RAB4A: variants seen among roughly 807,000 people sequenced by gnomAD.
RAB4A encodes RAB4A, member RAS oncogene family.
In RAB4A, 20 loss-of-function variants were observed where a neutral mutation model predicts 34.5. The observed-to-expected ratio is 0.58, with a 90% CI of 0.41 to 0.84. The LOEUF (loss-of-function observed/expected upper bound fraction) is 0.84. Among genes scored for constraint, RAB4A ranks in the 40% least tolerant of loss-of-function variants. The pLI is 0.00. For missense variants in RAB4A, 228 were observed against 274.5 expected (o/e 0.83, Z 1.20); for synonymous variants, 102 against 100.0 (o/e 1.02, Z -0.12).
At chr1:229,275,388 C>G (rs1322261463) in intron 1 of RAB4A, among the ~76,000 whole-genome samples, 11 of 152,110 alleles carry the variant, frequency 7.2e-5, no homozygotes, top group Non-Finnish European at 1.5e-5. Context: ...TCAGAGAGAC[C>G]TTGACCCTGT....
In RAB4A at chr1:229,299,076, A is replaced by C. The variant is rs1224581903; in HGVS notation, c.541+4A>C. The stretch of plus-strand genomic sequence containing the variant: ...ATACTTAACAAAATCGAATCAGGTA[A>C]AAGCCTTTCCATTAAGCAACTTTTC... On this transcript the variant is annotated splice_donor_region_variant and intron_variant, in intron 6 of 7. Transcript: ENST00000366690. The C allele has an allele frequency of 1.9e-6, 3 of 1,593,324 alleles. No individual in the cohort carries two copies. The East Asian group carries it at 6.7e-5, about 36-fold the overall frequency.
chr1:229,293,200 G>A (rs1377368242), intron 3 of RAB4A, among the ~76,000 whole-genome samples: 3 of 152,218 alleles, frequency 2.0e-5, no homozygotes, highest in Non-Finnish European at 4.4e-5. Flanking sequence ...GCACCTCCAT[G>A]CCACCACCAG....
Position 229,286,502 on chromosome 1 carries a change from C to T in RAB4A, c.48C>T (p.Phe16=), listed in dbSNP as rs1428147437. 2 of 1,571,722 alleles carry T rather than the reference C, an allele frequency of 1.3e-6. No homozygotes were observed. Among genetic ancestry groups the T allele is most frequent in the Non-Finnish European group, 1.7e-6 (2 of 1,159,428 alleles). ...MSETYDFLFK[F]LVIGNAGTGK... ...ATCTTTCAGATTTTTTGTTTAAGTT[C>T]TTGGTTATTGGAAATGCAGGAACTG... is the stretch of plus-strand genomic sequence containing the variant. The change falls in exon 2 of 8, where the codon TTC becomes TTT. Residue 16 remains phenylalanine (F), a synonymous_variant. Coordinates refer to ENST00000366690, the MANE Select transcript of RAB4A (RefSeq NM_004578.4).
chr1:229,282,099 C>A (rs1656793436), intron 1 of RAB4A, among the ~76,000 whole-genome samples: 2 of 151,962 alleles, frequency 1.3e-5, no homozygotes, highest in African/African-American at 4.8e-5. Context: ...ATTCCTATAG[C>A]TATTCTTTTG....
chr1:229,285,175 T>G (rs1403811935), intron 1 of RAB4A, among the ~76,000 whole-genome samples: 2 of 152,158 alleles, frequency 1.3e-5, no homozygotes, highest in East Asian at 3.9e-4. Context: ...CGGCTAAGTT[T>G]TTATTTTTAT....
chr1:229,273,808 A>C (rs1466241259), intron 1 of RAB4A, among the ~76,000 whole-genome samples: 1 of 152,192 alleles, frequency 6.6e-6, no homozygotes, highest in African/African-American at 2.4e-5. Flanking sequence ...AGTAAAAGTC[A>C]CCTAGAACCA....
intron 1 of RAB4A, among the ~76,000 whole-genome samples, chr1:229,275,950 G>C (rs1196860105): frequency 1.3e-5 from 2 of 150,996 alleles, no homozygotes; most frequent in Non-Finnish European, 2.9e-5. Flanking sequence ...AAAGTCACCT[G>C]GTTCCAATAA....
intron 1 of RAB4A, among the ~76,000 whole-genome samples, chr1:229,283,548 CT>C (rs966429809): frequency 3.9e-5 from 6 of 152,044 alleles, no homozygotes; most frequent in African/African-American, 1.2e-4. Flanking sequence ...TTTGCTAGGA[CT>C]TTTTTTGTCT....
intron 6 of RAB4A, 87 bp from the exon 7 acceptor site, chr1:229,302,775 G>C: frequency 2.2e-6 from 2 of 915,214 alleles, no homozygotes; most frequent in Non-Finnish European, 1.7e-6. Flanking sequence ...ACAGTGTTCT[G>C]TACTTTGCTT....
chr1:229,273,490 A>C (rs900276502), intron 1 of RAB4A, among the ~76,000 whole-genome samples: 3 of 152,254 alleles, frequency 2.0e-5, no homozygotes, highest in African/African-American at 7.2e-5. Context: ...CTGTAATCCC[A>C]GCACTTTGGA....
At chr1:229,296,027 G>A (rs1657243539) in intron 4 of RAB4A, 117 bp downstream of exon 4, 2 of 1,049,698 alleles carry the variant, frequency 1.9e-6, no homozygotes, top group Admixed American at 4.6e-5. Flanking sequence ...ACGGTGGTGT[G>A]GCTGGCATCC....
In RAB4A at chr1:229,297,505, C is replaced by T; in HGVS notation, c.314C>T (p.Thr105Ile). The T allele has an allele frequency of 6.2e-7, 1 of 1,605,572 alleles. No individual in the cohort carries two copies. The highest frequency in any genetic ancestry group is 8.5e-7 in the Non-Finnish European group (1 of 1,178,056). ...AGCCGAGAAACCTACAATGCGCTTACTAATTGGTTAACAGATGCCCGAATG... is the reference window on the plus strand; with the variant it reads ...AGCCGAGAAACCTACAATGCGCTTATTAATTGGTTAACAGATGCCCGAATG... ...ITSRETYNAL[T>I]NWLTDARMLA... Residue 105 changes from threonine to isoleucine, a missense_variant, in exon 5 of 8, where the codon ACT becomes ATT. Transcript: ENST00000366690.
intron 3 of RAB4A, among the ~76,000 whole-genome samples, chr1:229,294,578 G>A (rs1490830453): frequency 2.6e-5 from 4 of 152,212 alleles, no homozygotes; most frequent in Non-Finnish European, 5.9e-5. Flanking sequence ...GGTGGCTCAC[G>A]CCTGTAATCC....
chr1:229,284,318 C>T (rs1039137146), intron 1 of RAB4A, among the ~76,000 whole-genome samples: 3 of 151,660 alleles, frequency 2.0e-5, no homozygotes, highest in African/African-American at 7.3e-5. Flanking sequence ...GGGCTGGTCT[C>T]GAACTCCTGA....
chr1:229,275,588 TG>T (rs1656618362), intron 1 of RAB4A, among the ~76,000 whole-genome samples: 1 of 151,584 alleles, frequency 6.6e-6, no homozygotes, highest in Admixed American at 6.6e-5. Context: ...AAGATATCCT[TG>T]GTAAAGGAAA....
chr1:229,292,486 G>A (rs1045467443), intron 3 of RAB4A, among the ~76,000 whole-genome samples: 1 of 152,110 alleles, frequency 6.6e-6, no homozygotes, highest in Non-Finnish European at 1.5e-5. Context: ...GTGAACAAGC[G>A]AGGCCTTTCC....
chr1:229,301,511 GTAT>G (rs1558241869), intron 6 of RAB4A, among the ~76,000 whole-genome samples: 1 of 152,104 alleles, frequency 6.6e-6, no homozygotes, highest in Non-Finnish European at 1.5e-5. Flanking sequence ...TTACTGTTGA[GTAT>G]TATTAAGCTC....
chr1:229,292,648 AAG>A (rs1657122701), intron 3 of RAB4A, among the ~76,000 whole-genome samples: 1 of 152,222 alleles, frequency 6.6e-6, no homozygotes, highest in Non-Finnish European at 1.5e-5. Flanking sequence ...CTTCCTGACT[AAG>A]AGCTAAAAAG....
chr1:229,298,938 T>A, intron 5 of RAB4A, 39 bp from the exon 6 acceptor site: 1 of 1,457,590 alleles, frequency 6.9e-7, no homozygotes. Context: ...TATGATCATC[T>A]TCTAAACATG....
Sources: allele counts gnomAD v4.1 joint callset (sites outside exome capture counted in the v4.1 genomes callset), GRCh38; gene constraint gnomAD v4.1.1; transcripts MANE v1.5; gene names NCBI Gene and HGNC (gene_info 2026-07-23, HGNC 2026-07-21).